RIT2: variants seen among roughly 807,000 people sequenced by gnomAD.
The protein encoded by RIT2 is GTP-binding protein Rit2.
Under a neutral mutation model 23.7 loss-of-function variants are expected in RIT2, and 24 were observed. The ratio of observed to expected loss-of-function variants is 1.01; its 90% confidence interval spans 0.73 to 1.43. The LOEUF (loss-of-function observed/expected upper bound fraction) is 1.43. Ranked by LOEUF, RIT2 falls within the 40% of genes most tolerant of loss-of-function variation. The pLI, the probability that RIT2 is intolerant of heterozygous loss-of-function variation, is 0.00. For synonymous variants in RIT2, 107 were observed against 91.1 expected, an observed-to-expected ratio of 1.17 and a Z score of -0.99; for missense variants, 236 against 266.9, an observed-to-expected ratio of 0.88 and a Z score of 0.81.
intron 4 of RIT2, among the ~76,000 whole-genome samples, chr18:42,902,279 T>C (rs1908495463): frequency 6.6e-6 from 1 of 151,820 alleles, no homozygotes; most frequent in African/African-American, 2.4e-5. Context: ...ACTACTGGTA[T>C]TTATGTTTCT....
intron 4 of RIT2, among the ~76,000 whole-genome samples, chr18:42,871,883 G>C (rs576026154): frequency 1.8e-4 from 28 of 152,274 alleles, no homozygotes; most frequent in Middle Eastern, 3.4e-3. Context: ...AATGATCTGG[G>C]GACACAGGAA....
In RIT2 at chr18:42,971,357, C is replaced by T. The variant is rs915716625; in HGVS notation, c.234+2717G>A. Among the ~76,000 whole-genome samples, 5 of 151,948 alleles carry T rather than the reference C, an allele frequency of 3.3e-5. No individual in the cohort carries two copies. In the East Asian group the frequency reaches 7.7e-4, roughly 23 times the overall value. ...TGACTATGTTTGGCTGCAGTTGAAA[C>T]TAGCTTTAAAAAATTTTTATTGATA... On this transcript the variant is annotated intron_variant, in intron 3 of 4. Transcript: ENST00000326695.
rs181806273 is a variant in RIT2 at position 42,864,801 on chromosome 18, C to T, written c.426+58771G>A. Among the ~76,000 whole-genome samples the T allele has an allele frequency of 1.1e-3, 167 of 152,264 alleles. 1 individual carries two copies. Among genetic ancestry groups the T allele is most frequent in the Non-Finnish European group, 1.1e-3 (74 of 68,022 alleles). On this transcript the variant is annotated intron_variant, in intron 4 of 4. Coordinates refer to ENST00000326695, the MANE Select transcript of RIT2 (RefSeq NM_002930.4). ...ATTTTCAGTCCTCCACTAAGCCTCG[C>T]CAAGGCAGGTTAATTTTTAGGAGGC...
chr18:43,053,964 T>A (rs1912442525), intron 1 of RIT2, among the ~76,000 whole-genome samples: 1 of 152,090 alleles, frequency 6.6e-6, no homozygotes, highest in Non-Finnish European at 1.5e-5. Flanking sequence ...TTGGACCCTA[T>A]CACATCAGTT....
chr18:43,036,750 G>T (rs1052231221), intron 1 of RIT2, among the ~76,000 whole-genome samples: 6 of 152,154 alleles, frequency 3.9e-5, no homozygotes. Context: ...GAATTCAAAA[G>T]ATAATTTTAG....
chr18:42,883,823 A>T (rs552093195), intron 4 of RIT2, among the ~76,000 whole-genome samples: 1 of 152,260 alleles, frequency 6.6e-6, no homozygotes, highest in South Asian at 2.1e-4. Flanking sequence ...GAAGATGATG[A>T]GTCTAACTAT....
intron 1 of RIT2, among the ~76,000 whole-genome samples, chr18:43,089,592 A>AT (rs113774720): frequency 0.018 from 2,673 of 151,484 alleles, 85 homozygotes; most frequent in African/African-American, 0.06. Flanking sequence ...AAAAAAAATA[A>AT]AAAAAAAAAT....
intron 2 of RIT2, among the ~76,000 whole-genome samples, chr18:43,014,982 T>C (rs1439140347): frequency 2.0e-5 from 3 of 151,756 alleles, no homozygotes; most frequent in Non-Finnish European, 4.4e-5. Context: ...TACACATATA[T>C]ATGTATTACA....
chr18:42,954,374 CAAA>C (rs200231977), intron 3 of RIT2, among the ~76,000 whole-genome samples: 27,948 of 85,958 alleles, frequency 0.33, 3,181 homozygotes, highest in East Asian at 0.58. Flanking sequence ...ATTTCCAACT[CAAA>C]AAAAAAAAAA....
chr18:43,042,601 C>T (rs575459862), intron 1 of RIT2, among the ~76,000 whole-genome samples: 1 of 152,214 alleles, frequency 6.6e-6, no homozygotes, highest in Non-Finnish European at 1.5e-5. Context: ...TAAATCAAAA[C>T]CCATTCCTCC....
At chr18:42,876,347 AC>A (rs1286257521) in intron 4 of RIT2, among the ~76,000 whole-genome samples, 3 of 142,290 alleles carry the variant, frequency 2.1e-5, no homozygotes, top group African/African-American at 8.0e-5. Context: ...TGTGCCTGAA[AC>A]TTTTTTTTTT....
intron 4 of RIT2, among the ~76,000 whole-genome samples, chr18:42,855,180 A>G (rs1273807908): frequency 6.6e-6 from 1 of 152,200 alleles, no homozygotes; most frequent in Non-Finnish European, 1.5e-5. Flanking sequence ...TTATTTTATG[A>G]GATTTCAACA....
intron 2 of RIT2, among the ~76,000 whole-genome samples, chr18:43,018,200 T>C (rs1490008081): frequency 6.6e-6 from 1 of 151,900 alleles, no homozygotes; most frequent in Non-Finnish European, 1.5e-5. Context: ...GTGATCAGAG[T>C]AGCCACAGAT....
intron 4 of RIT2, among the ~76,000 whole-genome samples, chr18:42,855,833 A>G (rs1208245650): frequency 6.6e-6 from 1 of 152,204 alleles, no homozygotes; most frequent in Non-Finnish European, 1.5e-5. Context: ...AAGGATGATG[A>G]TATGCAAACA....
At chr18:42,834,345 T>C in intron 4 of RIT2, among the ~76,000 whole-genome samples, 1 of 152,176 alleles carries the variant, frequency 6.6e-6, no homozygotes, top group Non-Finnish European at 1.5e-5. Context: ...ACAATTCGTA[T>C]AAACTCCAAG....
At chr18:43,053,687 G>A (rs1004636252) in intron 1 of RIT2, among the ~76,000 whole-genome samples, 3 of 152,040 alleles carry the variant, frequency 2.0e-5, no homozygotes, top group Non-Finnish European at 4.4e-5. Flanking sequence ...TTATTAAAAT[G>A]TTAGGTGTTT....
intron 4 of RIT2, among the ~76,000 whole-genome samples, chr18:42,869,315 T>A (rs1162497243): frequency 6.6e-6 from 1 of 152,218 alleles, no homozygotes; most frequent in Non-Finnish European, 1.5e-5. Context: ...CTGCAGCTAA[T>A]CTGATAGGAG....
At position 42,921,642 on chromosome 18, in the gene RIT2, A is replaced by G. The variant is rs577586660; in HGVS notation, c.426+1930T>C. 4.6e-5 allele frequency among the ~76,000 whole-genome samples: 7 copies of G among 152,252 alleles called. No homozygotes were observed. The South Asian group carries it at 1.4e-3, about 32-fold the overall frequency. On this transcript the variant is annotated intron_variant, in intron 4 of 4. Transcript: ENST00000326695. ...AGAGCAATCATTGTAGAGAAAGTTT[A>G]GTTGATTTTTGGCCTGAAAAAATGT...
At chr18:42,975,482 T>G (rs1424583796) in intron 2 of RIT2, among the ~76,000 whole-genome samples, 1 of 152,042 alleles carries the variant, frequency 6.6e-6, no homozygotes, top group Non-Finnish European at 1.5e-5. Flanking sequence ...GAGTGTGGGA[T>G]GTAGGTCATG....
Sources: gnomAD v4.1 joint callset for allele counts (sites outside exome capture counted in the v4.1 genomes callset) on GRCh38, gnomAD v4.1.1 for gene constraint, MANE v1.5 for transcripts, NCBI Gene and HGNC (gene_info 2026-07-23, HGNC 2026-07-21) for gene names.